The following MBNL1 variants were observed in gnomAD, a reference collection of about 807,000 sequenced individuals.
MBNL1 encodes the protein muscleblind like splicing regulator 1, also known as muscleblind-like protein 1.
In MBNL1, 8 loss-of-function variants were observed where a neutral mutation model predicts 42.2. The ratio of observed to expected loss-of-function variants is 0.19; its 90% confidence interval spans 0.11 to 0.34. The LOEUF (loss-of-function observed/expected upper bound fraction) is 0.34, where lower values mean the gene tolerates loss of function less well. Ranked by LOEUF, MBNL1 falls within the 10% of genes least tolerant of loss-of-function variation. The pLI is 1.00. For synonymous variants in MBNL1, 169 were observed against 173.9 expected (o/e 0.97, Z 0.22); for missense variants, 309 against 495.3 (o/e 0.62, Z 3.57).
At chr3:152,438,310 G>A (rs1003500021) in intron 4 of MBNL1, among the ~76,000 whole-genome samples, 1 of 152,166 alleles carries the variant, frequency 6.6e-6, no homozygotes, top group Non-Finnish European at 1.5e-5. Context: ...CATGAGAATA[G>A]TGCCCAAACT....
At chr3:152,249,712 G>A (rs1325282769) in intron 2 of MBNL1, among the ~76,000 whole-genome samples, 1 of 146,876 alleles carries the variant, frequency 6.8e-6, no homozygotes, top group Non-Finnish European at 1.5e-5. Context: ...GTCCTGAATG[G>A]TAATGCCTAG....
intron 1 of MBNL1, among the ~76,000 whole-genome samples, chr3:152,287,816 C>T (rs1310083628): frequency 1.3e-5 from 2 of 152,184 alleles, no homozygotes; most frequent in Non-Finnish European, 2.9e-5. Context: ...GAGCTTTAAT[C>T]GCTGTCTCAT....
rs539236017 is a variant in MBNL1 at position 152,314,339 on chromosome 3, A to G, written c.174+13972A>G. On this transcript the variant is annotated intron_variant, in intron 2 of 9. Coordinates refer to ENST00000324210, the MANE Select transcript of MBNL1 (RefSeq NM_021038.5). ...GTCACTCAGAATCGATAGGGATCCA[A>G]TTCTAGCCTGTTGAAATGGTCCGTT... Among the ~76,000 whole-genome samples the G allele has an allele frequency of 1.8e-3, 264 of 149,718 alleles. 1 individual carries two copies. The highest frequency in any genetic ancestry group is 6.1e-3 in the African/African-American group (246 of 40,584).
At chr3:152,261,597 G>A (rs748315268) in intron 2 of MBNL1, among the ~76,000 whole-genome samples, 12 of 152,096 alleles carry the variant, frequency 7.9e-5, no homozygotes, top group Non-Finnish European at 1.2e-4. Context: ...ATTTGTTACC[G>A]AAAGCCTAGG....
chr3:152,450,160 C>T (rs1719568366), intron 6 of MBNL1, among the ~76,000 whole-genome samples: 1 of 149,584 alleles, frequency 6.7e-6, no homozygotes, highest in South Asian at 2.1e-4. Context: ...CACACACACA[C>T]ACATATTTCT....
At chr3:152,370,896 C>T (rs2096632195) in intron 2 of MBNL1, among the ~76,000 whole-genome samples, 1 of 151,500 alleles carries the variant, frequency 6.6e-6, no homozygotes, top group Non-Finnish European at 1.5e-5. Context: ...TGTGTCTTTG[C>T]ATGTGAGATG....
At chr3:152,402,041 A>AAG (rs1363139031) in intron 2 of MBNL1, among the ~76,000 whole-genome samples, 6 of 152,022 alleles carry the variant, frequency 3.9e-5, no homozygotes, top group Non-Finnish European at 8.8e-5. Context: ...CAAAAAAAAA[A>AAG]AAAAAAAGAT....
intron 1 of MBNL1, 40 bp downstream of exon 1, chr3:152,269,132 T>C: frequency 2.2e-6 from 1 of 444,452 alleles, no homozygotes; most frequent in Admixed American, 2.4e-5. Context: ...GCCGCTTCAT[T>C]GTTCGGACTC....
intron 2 of MBNL1, among the ~76,000 whole-genome samples, chr3:152,394,181 A>T (rs1271028791): frequency 6.6e-6 from 1 of 152,226 alleles, no homozygotes; most frequent in African/African-American, 2.4e-5. Flanking sequence ...TCCAAAGGGT[A>T]ACAGATAACA....
At chr3:152,264,543 G>A (rs1008611539), upstream of MBNL1, 13 of 152,068 alleles carry the variant, frequency 8.5e-5, no homozygotes, top group Middle Eastern at 3.4e-3. Flanking sequence ...TGAATGGCCT[G>A]AGAGAGTCAG....
intron 2 of MBNL1, chr3:152,301,050 G>C: frequency 7.5e-6 from 2 of 266,108 alleles, no homozygotes; most frequent in Non-Finnish European, 1.2e-5. Context: ...ATTCTAATGT[G>C]AATTAGCAGT....
At chr3:152,447,873 A>G in intron 6 of MBNL1, 100 bp downstream of exon 6, 1 of 1,092,622 alleles carries the variant, frequency 9.2e-7, no homozygotes. Flanking sequence ...GTAATTATAG[A>G]TGAGGTGTCA....
At chr3:152,417,358 G>C (rs2098719374) in intron 3 of MBNL1, among the ~76,000 whole-genome samples, 1 of 152,210 alleles carries the variant, frequency 6.6e-6, no homozygotes, top group Non-Finnish European at 1.5e-5. Context: ...TTGCCACTCA[G>C]AGAGAATGGC....
At position 152,445,271 on chromosome 3, in the gene MBNL1, T is replaced by C. The variant is rs750509071; in HGVS notation, c.550-11T>C. On this transcript the variant is annotated splice_polypyrimidine_tract_variant and intron_variant, in intron 4 of 9. Transcript: ENST00000324210. ...TGTTGACTAAACCTCATGTACTTAATGACCTCATAGGTATGTCGAGAGTAC... is the reference window on the plus strand; with the variant it reads ...TGTTGACTAAACCTCATGTACTTAACGACCTCATAGGTATGTCGAGAGTAC... 3 of 1,606,934 alleles carry C rather than the reference T, an allele frequency of 1.9e-6. No individual in the cohort carries two copies. The South Asian group carries it at 3.3e-5, about 18-fold the overall frequency.
intron 2 of MBNL1, among the ~76,000 whole-genome samples, chr3:152,404,563 GT>G (rs1293286019): frequency 2.0e-5 from 3 of 151,822 alleles, no homozygotes; most frequent in Non-Finnish European, 2.9e-5. Context: ...TAACCAAAAT[GT>G]TTTTCCTCTC....
At position 152,311,826 on chromosome 3, in the gene MBNL1, G is replaced by A. The variant is rs376152141; in HGVS notation, c.174+11459G>A. Among the ~76,000 whole-genome samples, 93 of 151,694 alleles carry A rather than the reference G, an allele frequency of 6.1e-4. No individual in the cohort carries two copies. In the South Asian group the frequency reaches 0.019, roughly 31 times the overall value. On this transcript the variant is annotated intron_variant, in intron 2 of 9. Transcript: ENST00000324210. ...GCATGTTTGCTCTCAAAAAACATGG[G>A]TTTGAGAAGATGAAATTTCTGGGCA...
chr3:152,247,209 C>A (rs1214755889), intron 2 of MBNL1, among the ~76,000 whole-genome samples: 1 of 152,052 alleles, frequency 6.6e-6, no homozygotes, highest in African/African-American at 2.4e-5. Flanking sequence ...AAACAAAAAT[C>A]TTTGTATCCC....
intron 4 of MBNL1, among the ~76,000 whole-genome samples, chr3:152,441,898 T>G (rs954488940): frequency 6.6e-6 from 1 of 152,214 alleles, no homozygotes; most frequent in Non-Finnish European, 1.5e-5. Flanking sequence ...GTTCAAGCAA[T>G]TCTCGTGCCT....
At chr3:152,295,449 A>G (rs1032135160) in intron 1 of MBNL1, among the ~76,000 whole-genome samples, 1 of 152,160 alleles carries the variant, frequency 6.6e-6, no homozygotes, top group African/African-American at 2.4e-5. Context: ...TAAATAATCT[A>G]TTTCATCAGT....
Sources: gnomAD v4.1 joint callset for allele counts (sites outside exome capture counted in the v4.1 genomes callset) on GRCh38, gnomAD v4.1.1 for gene constraint, MANE v1.5 for transcripts, NCBI Gene and HGNC (gene_info 2026-07-23, HGNC 2026-07-21) for gene names.